Variants in MECOM observed in about 807,000 individuals in gnomAD.
The protein encoded by MECOM is histone-lysine N-methyltransferase MECOM.
MECOM carries 13 observed loss-of-function variants against 116.3 expected under a neutral mutation model. That is an observed-to-expected ratio of 0.11 (90% CI 0.07 to 0.18). The LOEUF (loss-of-function observed/expected upper bound fraction) is 0.18. Ranked by LOEUF, MECOM falls within the 10% of genes least tolerant of loss-of-function variation. The probability of loss-of-function intolerance (pLI) is 1.00; values close to 1 mark genes in which losing one functional copy is unlikely to be tolerated. For missense variants in MECOM, 1,299 were observed against 1,509.0 expected, an observed-to-expected ratio of 0.86 and a Z score of 2.31; for synonymous variants, 528 against 535.2, an observed-to-expected ratio of 0.99 and a Z score of 0.19.
chr3:169,215,797 G>T (rs1467753427), intron 2 of MECOM, among the ~76,000 whole-genome samples: 1 of 152,144 alleles, frequency 6.6e-6, no homozygotes, highest in Non-Finnish European at 1.5e-5. Flanking sequence ...TCAATTCAAG[G>T]GAACCACTTT....
chr3:169,589,548 A>G (rs1271051386), intron 1 of MECOM, among the ~76,000 whole-genome samples: 2 of 152,110 alleles, frequency 1.3e-5, no homozygotes, highest in African/African-American at 2.4e-5. Context: ...TGTGGATGGA[A>G]AAAACATTCT....
At chr3:169,156,323 T>C (rs955522904) in intron 2 of MECOM, among the ~76,000 whole-genome samples, 1 of 152,196 alleles carries the variant, frequency 6.6e-6, no homozygotes, top group Non-Finnish European at 1.5e-5. Context: ...TGAAAGCCTC[T>C]CTCCTCTTCC....
chr3:169,620,149 C>T (rs1399653402), intron 1 of MECOM, among the ~76,000 whole-genome samples: 1 of 152,226 alleles, frequency 6.6e-6, no homozygotes, highest in Non-Finnish European at 1.5e-5. Flanking sequence ...ACACAAGGCT[C>T]AGAGGGCCAG....
At chr3:169,521,448 G>C (rs115578771) in intron 1 of MECOM, among the ~76,000 whole-genome samples, 1 of 152,142 alleles carries the variant, frequency 6.6e-6, no homozygotes, top group Non-Finnish European at 1.5e-5. Context: ...AAGAAGGCCA[G>C]ACAGAGCCCA....
At position 169,500,771 on chromosome 3, in the gene MECOM, A is replaced by G. The variant is rs1036859399; in HGVS notation, c.38-119247T>C. On this transcript the variant is annotated intron_variant, in intron 1 of 16. Transcript: ENST00000651503. ...GTAGTTTTAATTGATTGGATATTTT[A>G]GGTTTAATTATTCACCTACATGTAT... 1.3e-4 allele frequency among the ~76,000 whole-genome samples: 20 copies of G among 152,000 alleles called. 1 individual carries two copies. Among genetic ancestry groups the G allele is most frequent in the African/African-American group, 3.6e-4 (15 of 41,452 alleles).
rs563706615 is a variant in MECOM, at chr3:169,662,478, G to C, written c.37+858C>G. ...TCCCGGCTCTCCGAGCGCTCGCTGG[G>C]CCTCTTCTCTCCCCACGTCCGAGCG... On this transcript the variant is annotated intron_variant, in intron 1 of 16. Coordinates refer to ENST00000651503, the MANE Select transcript of MECOM (RefSeq NM_004991.4). 3.3e-5 allele frequency among the ~76,000 whole-genome samples: 5 copies of C among 152,190 alleles called. 2 individuals carry two copies. The South Asian group carries it at 1.0e-3, about 32-fold the overall frequency.
At chr3:169,201,775 T>C (rs976383406) in intron 2 of MECOM, among the ~76,000 whole-genome samples, 1 of 152,152 alleles carries the variant, frequency 6.6e-6, no homozygotes, top group Admixed American at 6.6e-5. Flanking sequence ...AATTTATGTA[T>C]GGATGAGAAG....
At chr3:169,325,817 C>T (rs1721743883) in intron 2 of MECOM, among the ~76,000 whole-genome samples, 1 of 152,148 alleles carries the variant, frequency 6.6e-6, no homozygotes, top group African/African-American at 2.4e-5. Context: ...TTCATGTAAA[C>T]TATTAAAAGA....
Position 169,433,666 on chromosome 3 carries a change from AAAG to A in MECOM, c.38-52145_38-52143del. ...GAAAGAAAGAAAGAAAGAAAGAAAG[AAAG>A]AAAGAAAGAAAGAAAGAAAGAGAAA... On this transcript the variant is annotated intron_variant, in intron 1 of 16. Coordinates refer to ENST00000651503, the MANE Select transcript of MECOM (RefSeq NM_004991.4). Among the ~76,000 whole-genome samples the A allele has an allele frequency of 2.8e-5, 4 of 142,900 alleles. No individual in the cohort carries two copies. The Middle Eastern group carries it at 0.01, about 370-fold the overall frequency. 93.7% of individuals were successfully genotyped at this position (142,900 alleles called of 152,430 possible). A position where few individuals can be genotyped will look rare whatever the true frequency, so the allele number is the denominator to read the frequency against.
chr3:169,116,413 A>C lies in MECOM; in HGVS notation c.1459T>G (p.Phe487Val), dbSNP rs1332382409. The change falls in exon 8 of 17, where the codon TTT becomes GTT. Residue 487 changes from phenylalanine to valine, a missense_variant. Around this residue, in one of 6 missense-constraint regions of MECOM, gnomAD observed 238 missense variants for 273.1 expected, o/e 0.87. Transcript: ENST00000651503. The part of the protein sequence containing the change: ...AGLTFPTAPG[F>V]SFSFPGLFPS... ...AACAGACCAGGGAAGCTAAAAGAAA[A>C]TCCAGGAGCTGTTGGAAAGGTAAGA... The C allele has an allele frequency of 6.2e-7, 1 of 1,614,174 alleles. No homozygotes were observed. Among genetic ancestry groups the C allele is most frequent in the Non-Finnish European group, 8.5e-7 (1 of 1,180,034 alleles).
chr3:169,485,921 A>AGTATATATG (rs1752138882), intron 1 of MECOM, among the ~76,000 whole-genome samples: 1 of 88,810 alleles, frequency 1.1e-5, no homozygotes, highest in South Asian at 3.7e-4. Flanking sequence ...GTATGTATAT[A>AGTATATATG]TAGTATATAT....
intron 1 of MECOM, among the ~76,000 whole-genome samples, chr3:169,637,436 A>C (rs910926683): frequency 6.6e-6 from 1 of 152,246 alleles, no homozygotes; most frequent in Admixed American, 6.5e-5. Context: ...TGTGGATAGC[A>C]GAATCTACTT....
intron 2 of MECOM, among the ~76,000 whole-genome samples, chr3:169,285,190 T>A (rs1224923674): frequency 6.6e-6 from 1 of 152,204 alleles, no homozygotes; most frequent in Non-Finnish European, 1.5e-5. Context: ...ATGAAAAGTG[T>A]TTGTAGAGCC....
At chr3:169,229,200 C>T (rs1486294645) in intron 2 of MECOM, among the ~76,000 whole-genome samples, 12 of 152,136 alleles carry the variant, frequency 7.9e-5, no homozygotes, top group Non-Finnish European at 1.8e-4. Context: ...ACTCCTTATA[C>T]AGGAACTGAA....
chr3:169,599,168 C>T (rs909024469), intron 1 of MECOM, among the ~76,000 whole-genome samples: 6 of 152,138 alleles, frequency 3.9e-5, no homozygotes, highest in Non-Finnish European at 7.4e-5. Flanking sequence ...GAGCTACAAC[C>T]GATAGCGAAG....
At chr3:169,156,896 G>A (rs1742080577) in intron 2 of MECOM, among the ~76,000 whole-genome samples, 1 of 152,072 alleles carries the variant, frequency 6.6e-6, no homozygotes, top group Admixed American at 6.5e-5. Context: ...CTTTTTTCCA[G>A]TTTTTGATAT....
At chr3:169,158,530 T>C (rs1742345422) in intron 2 of MECOM, among the ~76,000 whole-genome samples, 1 of 152,158 alleles carries the variant, frequency 6.6e-6, no homozygotes, top group Non-Finnish European at 1.5e-5. Context: ...TTTTGTACTA[T>C]GAGTATCGTG....
At chr3:169,450,734 C>T (rs1226655770) in intron 1 of MECOM, among the ~76,000 whole-genome samples, 3 of 152,100 alleles carry the variant, frequency 2.0e-5, no homozygotes, top group Non-Finnish European at 4.4e-5. Context: ...CGTGGCCAAT[C>T]TCCCTACTTC....
At chr3:169,300,428 A>G (rs1215478668) in intron 2 of MECOM, among the ~76,000 whole-genome samples, 1 of 152,214 alleles carries the variant, frequency 6.6e-6, no homozygotes, top group East Asian at 1.9e-4. Context: ...TCAAATACCT[A>G]TGGTTATACT....
Sources: allele counts gnomAD v4.1 joint callset (sites outside exome capture counted in the v4.1 genomes callset), GRCh38; gene constraint gnomAD v4.1.1; regional missense constraint gnomAD v4.1.1; transcripts MANE v1.5; gene names NCBI Gene and HGNC (gene_info 2026-07-23, HGNC 2026-07-21).